GRIK5: variants seen among roughly 807,000 people sequenced by gnomAD.
The protein encoded by GRIK5 is glutamate ionotropic receptor kainate type subunit 5.
GRIK5 carries 43 observed loss-of-function variants against 97.4 expected under a neutral mutation model. The observed-to-expected ratio is 0.44, with a 90% CI of 0.35 to 0.57. The LOEUF is 0.57. Ranked by LOEUF, GRIK5 falls within the 20% of genes least tolerant of loss-of-function variation. The pLI is 0.01. For synonymous variants in GRIK5, 580 were observed against 583.5 expected (o/e 0.99, Z 0.09); for missense variants, 1,015 against 1,382.0 (o/e 0.73, Z 4.21).
intron 1 of GRIK5, chr19:42,068,666 G>A: frequency 2.3e-6 from 1 of 431,600 alleles, no homozygotes; most frequent in East Asian, 3.5e-5. Flanking sequence ...AAAGAGGGAA[G>A]CCAGGGTGGA....
Position 42,037,893 on chromosome 19 carries a change from CA to C in GRIK5, c.1473+4658del, listed in dbSNP as rs557320328. Among the ~76,000 whole-genome samples the C allele has an allele frequency of 3.5e-3, 537 of 152,328 alleles. 1 individual carries two copies. Among genetic ancestry groups the C allele is most frequent in the Non-Finnish European group, 5.6e-3 (383 of 68,020 alleles). ...AGCTGCCTGTGGGACAGCTAAGGCCCAGTTGTGACTGCAGCGCAGCTCAACT... is the reference window on the plus strand; with the variant it reads ...AGCTGCCTGTGGGACAGCTAAGGCCCGTTGTGACTGCAGCGCAGCTCAACT... On this transcript the variant is annotated intron_variant, in intron 12 of 19. Coordinates refer to ENST00000593562, the MANE Select transcript of GRIK5 (RefSeq NM_002088.5).
At chr19:42,040,489 G>A (rs1338757934) in intron 12 of GRIK5, among the ~76,000 whole-genome samples, 1 of 152,210 alleles carries the variant, frequency 6.6e-6, no homozygotes. Flanking sequence ...GTGCCCTCAG[G>A]TGGGCATAGA....
chr19:42,061,979 C>T lies in GRIK5; in HGVS notation c.508+509G>A, dbSNP rs576914759. Reference sequence around the variant, plus strand: ...TGCAAGCCTCTTGAAGGGCTGTGCTCCCTGGGCCCTCTACCTCTGCCCGTC... The same window carrying T: ...TGCAAGCCTCTTGAAGGGCTGTGCTTCCTGGGCCCTCTACCTCTGCCCGTC... On this transcript the variant is annotated intron_variant, in intron 5 of 19. Transcript: ENST00000593562. 1.1e-4 allele frequency among the ~76,000 whole-genome samples: 16 copies of T among 152,332 alleles called. No individual in the cohort carries two copies. The South Asian group carries it at 3.3e-3, about 32-fold the overall frequency.
At chr19:42,054,583 C>G in intron 8 of GRIK5, 111 bp from the exon 9 acceptor site, 4 of 1,243,736 alleles carry the variant, frequency 3.2e-6, no homozygotes, top group Non-Finnish European at 3.4e-6. Context: ...TCCCTCTCCC[C>G]AGGAATGGGA....
At chr19:42,014,893 TAAAAG>T (rs1373216409) in intron 15 of GRIK5, among the ~76,000 whole-genome samples, 1 of 152,096 alleles carries the variant, frequency 6.6e-6, no homozygotes, top group Non-Finnish European at 1.5e-5. Flanking sequence ...TATCTCTATT[TAAAAG>T]AAAAGAAAAG....
chr19:42,054,384 G>A lies in GRIK5; in HGVS notation c.992C>T (p.Pro331Leu), dbSNP rs1440924442. The change falls in exon 9 of 20, where the codon CCT becomes CTT. Residue 331 changes from proline to leucine, a missense_variant. Transcript: ENST00000593562. ...LNRSQEIGVKPLACTSANIWP... is the reference protein window; with the variant it reads ...LNRSQEIGVKLLACTSANIWP... ...AATGTTGGCCGATGTACAGGCCAGAGGCTTCACACCGATCTCCTGGCTGCG... is the reference window on the plus strand; with the variant it reads ...AATGTTGGCCGATGTACAGGCCAGAAGCTTCACACCGATCTCCTGGCTGCG... 1.9e-6 allele frequency: 3 copies of A among 1,613,760 alleles called. No homozygotes were observed. Among genetic ancestry groups the A allele is most frequent in the Non-Finnish European group, 2.5e-6 (3 of 1,179,992 alleles).
intron 15 of GRIK5, among the ~76,000 whole-genome samples, chr19:42,009,624 C>T (rs1406269133): frequency 6.6e-6 from 1 of 151,508 alleles, no homozygotes; most frequent in African/African-American, 2.4e-5. Context: ...AAAAATTAGC[C>T]AAGTGTGGTG....
chr19:42,037,642 A>C (rs2075924509), intron 12 of GRIK5, among the ~76,000 whole-genome samples: 1 of 152,170 alleles, frequency 6.6e-6, no homozygotes, highest in African/African-American at 2.4e-5. Context: ...AGTGGACTCC[A>C]TGGTGGCTAC....
rs1375610633 is a variant in GRIK5 at position 42,053,607 on chromosome 19, T to C, written c.1264A>G (p.Ile422Val). 1 of 1,592,932 alleles carries C rather than the reference T, an allele frequency of 6.3e-7. No homozygotes were observed. The highest frequency in any genetic ancestry group is 8.6e-7 in the Non-Finnish European group (1 of 1,160,810). Residue 422 changes from isoleucine to valine, a missense_variant, in exon 11 of 20, where the codon ATC (isoleucine) becomes GTC (valine). By Grantham distance (29) the Ile-to-Val change is conservative (BLOSUM62 3). Transcript: ENST00000593562. Reference protein sequence around the residue: ...LANKTLVVTTILENPYVMRRP... With the variant: ...LANKTLVVTTVLENPYVMRRP... ...CCCCATCTAGGGCCACTCACCAGGA[T>C]GGTTGTGACCACCAGGGTCTTGTTG...
Position 42,002,644 on chromosome 19 carries a change from G to A in GRIK5, c.2514+688C>T, listed in dbSNP as rs1300686307. ...GGGAAGCAGGGAACCAGCAGTCCAG[G>A]GGTGCAAGAGCACGAATGGGTCTGG... is the stretch of plus-strand genomic sequence containing the variant. On this transcript the variant is annotated intron_variant, in intron 19 of 19. Coordinates refer to ENST00000593562, the MANE Select transcript of GRIK5 (RefSeq NM_002088.5). The surrounding 1 kb of genome is among the most constrained non-coding windows in gnomAD (Gnocchi z 5.2). 11 of 620,220 alleles carry A rather than the reference G, an allele frequency of 1.8e-5. No individual in the cohort carries two copies. The highest frequency in any genetic ancestry group is 1.7e-4 in the African/African-American group (9 of 53,998). The allele number at this position is 620,220 out of a possible 1,614,324, so 38.4% of individuals were successfully genotyped here.
At chr19:42,019,109 G>T (rs889671977) in intron 15 of GRIK5, among the ~76,000 whole-genome samples, 16 of 152,172 alleles carry the variant, frequency 1.1e-4, no homozygotes, top group African/African-American at 3.9e-4. Flanking sequence ...TAGAGAGTGT[G>T]ACTCTCAGGA....
At chr19:42,058,804 C>T (rs1302212644) in intron 6 of GRIK5, among the ~76,000 whole-genome samples, 9 of 139,156 alleles carry the variant, frequency 6.5e-5, no homozygotes, top group South Asian at 4.5e-4. Context: ...CCAGCCTGGG[C>T]GACAGAGCAA....
chr19:42,054,392 A>G lies in GRIK5; in HGVS notation c.984T>C (p.Gly328=). ...CCGATGTACAGGCCAGAGGCTTCAC[A>G]CCGATCTCCTGGCTGCGGTTCAGCT... is the stretch of plus-strand genomic sequence containing the variant. ...VRELNRSQEI[G]VKPLACTSAN... Residue 328 remains glycine (G), a synonymous_variant, in exon 9 of 20, where the codon GGT becomes GGC. Coordinates refer to ENST00000593562, the MANE Select transcript of GRIK5 (RefSeq NM_002088.5). The G allele has an allele frequency of 6.2e-7, 1 of 1,613,712 alleles. No homozygotes were observed. Among genetic ancestry groups the G allele is most frequent in the Non-Finnish European group, 8.5e-7 (1 of 1,179,980 alleles).
At chr19:42,059,589 C>G (rs2076233289) in intron 5 of GRIK5, 62 bp from the exon 6 acceptor site, 1 of 1,383,098 alleles carries the variant, frequency 7.2e-7, no homozygotes, top group Non-Finnish European at 1.0e-6. Flanking sequence ...GGCGTAGACA[C>G]TCTCTCCTCC....
At chr19:42,028,826 G>A (rs1387859430) in intron 12 of GRIK5, among the ~76,000 whole-genome samples, 1 of 152,228 alleles carries the variant, frequency 6.6e-6, no homozygotes, top group Non-Finnish European at 1.5e-5. Flanking sequence ...AGTTTTATTG[G>A]AACACAGTGA....
intron 12 of GRIK5, among the ~76,000 whole-genome samples, chr19:42,032,953 G>A (rs2075856529): frequency 6.6e-6 from 1 of 152,128 alleles, no homozygotes; most frequent in East Asian, 1.9e-4. Context: ...AGCAGCCAGT[G>A]CAATCATTTT....
chr19:42,057,654 C>A (rs2076205114), intron 6 of GRIK5, among the ~76,000 whole-genome samples: 1 of 152,140 alleles, frequency 6.6e-6, no homozygotes, highest in African/African-American at 2.4e-5. Context: ...GTGTGAGCCA[C>A]CAGGCCCAGC....
At chr19:42,056,864 T>C (rs1215461427) in intron 7 of GRIK5, 41 bp from the exon 8 acceptor site, 2 of 1,613,162 alleles carry the variant, frequency 1.2e-6, no homozygotes, top group South Asian at 2.2e-5. Flanking sequence ...GGCTAAGCCC[T>C]AATGGGACAG....
At position 42,062,860 on chromosome 19, in the gene GRIK5, G is replaced by T; in HGVS notation, c.245-5C>A. The T allele has an allele frequency of 6.2e-7, 1 of 1,607,918 alleles. No homozygotes were observed. On this transcript the variant is annotated splice_region_variant and splice_polypyrimidine_tract_variant and intron_variant, in intron 3 of 19. Coordinates refer to ENST00000593562, the MANE Select transcript of GRIK5 (RefSeq NM_002088.5). This position sits in a 1 kb window ranked among gnomAD's most constrained non-coding sequence, Gnocchi z 5.3. ...CTTTGGGTAAGATCTGACACACTGCGTGGGAAGGGGAAGAGACCGCAGAGT... is the reference window on the plus strand; with the variant it reads ...CTTTGGGTAAGATCTGACACACTGCTTGGGAAGGGGAAGAGACCGCAGAGT...
Sources: allele counts gnomAD v4.1 joint callset (sites outside exome capture counted in the v4.1 genomes callset), GRCh38; gene constraint gnomAD v4.1.1; non-coding constraint Gnocchi (gnomAD v3.1); transcripts MANE v1.5; gene names NCBI Gene and HGNC (gene_info 2026-07-23, HGNC 2026-07-21).